Variants in C4orf51 observed in about 807,000 individuals in gnomAD.
C4orf51 encodes the protein chromosome 4 open reading frame 51.
A neutral mutation model predicts 25.2 loss-of-function variants in C4orf51; 25 were observed. The observed-to-expected ratio is 0.99, with a 90% CI of 0.72 to 1.39. The LOEUF (loss-of-function observed/expected upper bound fraction) is 1.39, where lower values mean the gene tolerates loss of function less well. C4orf51 is among the 40% of genes most tolerant of loss of function. The pLI, the probability that C4orf51 is intolerant of heterozygous loss-of-function variation, is 0.00. For missense variants in C4orf51, 252 were observed against 239.6 expected, an observed-to-expected ratio of 1.05 and a Z score of -0.34; for synonymous variants, 100 against 84.5, an observed-to-expected ratio of 1.18 and a Z score of -1.01.
rs537832563 is a variant in C4orf51 at position 145,761,694 on chromosome 4, C to T, written n.167-9294C>T. On this transcript the variant is annotated intron_variant and non_coding_transcript_variant, in intron 1 of 1. Transcript: ENST00000510096. The surrounding 1 kb of genome is among the most constrained non-coding windows in gnomAD (Gnocchi z 6.8). ...CACCAGCCTTCCCTCACACCACCCC[C>T]CAGTGTCTGAGGCCTGGCCTGCCCA... 1.2e-4 allele frequency: 93 copies of T among 781,636 alleles called. No homozygotes were observed. The highest frequency in any genetic ancestry group is 5.7e-4 in the South Asian group (34 of 59,316). 48.4% of individuals were successfully genotyped at this position (781,636 alleles called of 1,614,324 possible).
chr4:145,768,888 A>ATT (rs57777261), intron 1 of C4orf51, among the ~76,000 whole-genome samples: 1 of 12,552 alleles, frequency 8.0e-5, no homozygotes, highest in East Asian at 3.0e-3. Flanking sequence ...AAAAAAAAAA[A>ATT]AAATATATAT....
chr4:145,737,180 A>G (rs1284100807), downstream of C4orf51, among the ~76,000 whole-genome samples: 1 of 152,152 alleles, frequency 6.6e-6, no homozygotes, highest in Non-Finnish European at 1.5e-5. Flanking sequence ...ATGATTGTAG[A>G]AGACAGCCAG....
chr4:145,745,951 G>C (rs1733349006), intron 1 of C4orf51, among the ~76,000 whole-genome samples: 2 of 152,058 alleles, frequency 1.3e-5, no homozygotes, highest in Non-Finnish European at 2.9e-5. Flanking sequence ...TTGTAGTTTT[G>C]GTTTGCATTT....
intron 3 of C4orf51, among the ~76,000 whole-genome samples, chr4:145,727,515 C>T (rs1722801518): frequency 6.6e-6 from 1 of 152,042 alleles, no homozygotes; most frequent in Admixed American, 6.6e-5. Flanking sequence ...TGTTAATCAA[C>T]ATAATTATTT....
At chr4:145,712,197 A>G (rs1401410487) in intron 2 of C4orf51, among the ~76,000 whole-genome samples, 1 of 152,116 alleles carries the variant, frequency 6.6e-6, no homozygotes, top group Non-Finnish European at 1.5e-5. Context: ...CCAATTAATA[A>G]CCCTACAATG....
intron 1 of C4orf51, among the ~76,000 whole-genome samples, chr4:145,748,237 T>G (rs1733481787): frequency 6.6e-6 from 1 of 152,138 alleles, no homozygotes; most frequent in Non-Finnish European, 1.5e-5. Context: ...TAGTAATGTT[T>G]CCTTTTTCAA....
chr4:145,765,226 T>A lies in C4orf51; in HGVS notation n.167-5762T>A. 1.3e-6 allele frequency: 2 copies of A among 1,499,198 alleles called. No homozygotes were observed. The highest frequency in any genetic ancestry group is 4.7e-5 in the East Asian group (2 of 42,822). 92.9% of individuals were successfully genotyped at this position (1,499,198 alleles called of 1,614,324 possible). On this transcript the variant is annotated intron_variant and non_coding_transcript_variant, in intron 1 of 1. Transcript: ENST00000510096. The surrounding 1 kb of genome is among the most constrained non-coding windows in gnomAD (Gnocchi z 4.7). ...GGCAGCGGGGAGAGGAGGGCAGGAG[T>A]GGAGCCAAGCTCCTCCCCACTTCCT... is the stretch of plus-strand genomic sequence containing the variant.
chr4:145,773,004 G>A (rs1736521379), downstream of C4orf51, among the ~76,000 whole-genome samples: 1 of 152,178 alleles, frequency 6.6e-6, no homozygotes, highest in Admixed American at 6.5e-5. Flanking sequence ...ATGGTGGTAT[G>A]GGTGTGGAGG....
downstream of C4orf51, among the ~76,000 whole-genome samples, chr4:145,736,254 G>A (rs756769696): frequency 1.3e-5 from 2 of 151,730 alleles, no homozygotes; most frequent in Middle Eastern, 3.4e-3. Context: ...GCAGGTGAGC[G>A]CTCTCAGCTA....
chr4:145,694,988 T>G (rs1404299342), intron 1 of C4orf51, among the ~76,000 whole-genome samples: 1 of 152,234 alleles, frequency 6.6e-6, no homozygotes, highest in Non-Finnish European at 1.5e-5. Flanking sequence ...TGTAGTTTAT[T>G]TAATGGGATT....
rs1178283332 is a variant in C4orf51 at position 145,762,152 on chromosome 4, T to C, written n.167-8836T>C. ...CAGAATCGTGCTTATTAAGGGTTTGTTAGGATGAGAAGGCCTGTGTGTGTC... is the reference window on the plus strand; with the variant it reads ...CAGAATCGTGCTTATTAAGGGTTTGCTAGGATGAGAAGGCCTGTGTGTGTC... On this transcript the variant is annotated intron_variant and non_coding_transcript_variant, in intron 1 of 1. Coordinates refer to the C4orf51 transcript ENST00000510096. The surrounding 1 kb of genome is among the most constrained non-coding windows in gnomAD (Gnocchi z 4.9). 6.6e-6 allele frequency among the ~76,000 whole-genome samples: 1 copy of C among 152,126 alleles called. No homozygotes were observed. Among genetic ancestry groups the C allele is most frequent in the Non-Finnish European group, 1.5e-5 (1 of 68,020 alleles).
At chr4:145,751,657 T>C (rs568344012) in intron 1 of C4orf51, among the ~76,000 whole-genome samples, 1 of 152,294 alleles carries the variant, frequency 6.6e-6, no homozygotes, top group African/African-American at 2.4e-5. Context: ...GTACTTATGT[T>C]TGCTCAGGGC....
At chr4:145,690,555 T>A (rs1729485560) in intron 1 of C4orf51, among the ~76,000 whole-genome samples, 1 of 152,024 alleles carries the variant, frequency 6.6e-6, no homozygotes, top group African/African-American at 2.4e-5. Context: ...GGTAACACTC[T>A]TCTGGACATT....
intron 1 of C4orf51, among the ~76,000 whole-genome samples, chr4:145,689,183 T>C (rs976439020): frequency 1.3e-5 from 2 of 152,088 alleles, no homozygotes; most frequent in Admixed American, 6.5e-5. Context: ...GATGACAATA[T>C]GGAGAATATC....
intron 2 of C4orf51, among the ~76,000 whole-genome samples, chr4:145,705,170 A>C (rs920382908): frequency 6.6e-6 from 1 of 152,150 alleles, no homozygotes; most frequent in Non-Finnish European, 1.5e-5. Context: ...GGAAGGCCAT[A>C]TACTAGTTAA....
chr4:145,754,502 G>C (rs2126815859), downstream of C4orf51, among the ~76,000 whole-genome samples: 1 of 152,244 alleles, frequency 6.6e-6, no homozygotes, highest in Non-Finnish European at 1.5e-5. Context: ...GATGAAAGTG[G>C]GCAGGGCAAA....
chr4:145,750,526 G>T (rs1367142968), intron 1 of C4orf51, among the ~76,000 whole-genome samples: 1 of 145,988 alleles, frequency 6.8e-6, no homozygotes, highest in African/African-American at 2.5e-5. Context: ...GAGCTCCATT[G>T]TATGTTACTT....
chr4:145,726,811 G>A (rs1732087185), intron 2 of C4orf51, 100 bp from the exon 3 acceptor site: 2 of 938,806 alleles, frequency 2.1e-6, no homozygotes, highest in East Asian at 2.4e-5. Flanking sequence ...GGAAGCAATT[G>A]AAGTGTGTAC....
chr4:145,732,157 A>G (rs1732515113), intron 5 of C4orf51, among the ~76,000 whole-genome samples: 1 of 152,202 alleles, frequency 6.6e-6, no homozygotes, highest in Non-Finnish European at 1.5e-5. Context: ...GGAATGTGGG[A>G]ACTAAAGGAA....
Sources: allele counts gnomAD v4.1 joint callset (sites outside exome capture counted in the v4.1 genomes callset), GRCh38; gene constraint gnomAD v4.1.1; non-coding constraint Gnocchi (gnomAD v3.1); transcripts MANE v1.5; gene names NCBI Gene and HGNC (gene_info 2026-07-23, HGNC 2026-07-21).